The following MATN2 variants were observed in gnomAD, a reference collection of about 807,000 sequenced individuals.
The protein encoded by MATN2 is matrilin 2.
In MATN2, 69 loss-of-function variants were observed where a neutral mutation model predicts 103.2. The ratio of observed to expected loss-of-function variants is 0.67; its 90% CI spans 0.55 to 0.82. MATN2 has a LOEUF of 0.82. MATN2 is among the 40% of genes least tolerant of loss of function. MATN2 has a pLI of 0.00. For synonymous variants in MATN2, 429 were observed against 450.2 expected (o/e 0.95, Z 0.60); for missense variants, 1,023 against 1,211.5 (o/e 0.84, Z 2.31).
intron 7 of MATN2, among the ~76,000 whole-genome samples, chr8:97,999,789 G>A (rs1812717603): frequency 6.6e-6 from 1 of 151,512 alleles, no homozygotes; most frequent in African/African-American, 2.4e-5. Context: ...TCTGTCTGCA[G>A]CCATTCTGCT....
chr8:97,900,877 G>A (rs925233529), intron 2 of MATN2, among the ~76,000 whole-genome samples: 1 of 152,168 alleles, frequency 6.6e-6, no homozygotes, highest in East Asian at 1.9e-4. Context: ...GGAGCTTGCA[G>A]TGAGCCGAGA....
rs1293964936 is a variant in MATN2, at chr8:97,960,715, C to T, written c.836-693C>T. On this transcript the variant is annotated intron_variant, in intron 4 of 18. Coordinates refer to ENST00000254898, the MANE Select transcript of MATN2 (RefSeq NM_002380.5). ...AAAGAGGGTTTTCAAAGAGCTTTGT[C>T]TCATTCCTTCTTATACCAGCAACAG... Among the ~76,000 whole-genome samples the T allele has an allele frequency of 2.0e-5, 3 of 152,258 alleles. No individual in the cohort carries two copies. The East Asian group carries it at 5.8e-4, about 29-fold the overall frequency.
At chr8:98,009,127 G>C (rs554565906) in intron 10 of MATN2, among the ~76,000 whole-genome samples, 1 of 152,312 alleles carries the variant, frequency 6.6e-6, no homozygotes, top group East Asian at 1.9e-4. Context: ...ATCTAGATGA[G>C]AACTTGTGAG....
intron 5 of MATN2, among the ~76,000 whole-genome samples, chr8:97,961,896 G>C (rs1218682611): frequency 6.6e-6 from 1 of 152,160 alleles, no homozygotes; most frequent in Non-Finnish European, 1.5e-5. Flanking sequence ...ATTTACTTGG[G>C]TGGGTTGCTG....
intron 2 of MATN2, among the ~76,000 whole-genome samples, chr8:97,909,370 A>T (rs1241289701): frequency 6.6e-6 from 1 of 152,198 alleles, no homozygotes; most frequent in East Asian, 1.9e-4. Flanking sequence ...AGTATTTGTC[A>T]TTCTGTGCCT....
chr8:97,903,384 G>A (rs1459018895), intron 2 of MATN2, among the ~76,000 whole-genome samples: 1 of 152,212 alleles, frequency 6.6e-6, no homozygotes, highest in Non-Finnish European at 1.5e-5. Flanking sequence ...GTTCCACATG[G>A]AAGGGCTCTT....
chr8:98,025,149 T>C (rs1364477135), intron 13 of MATN2: 1 of 152,236 alleles, frequency 6.6e-6, no homozygotes, highest in African/African-American at 2.4e-5. Flanking sequence ...ACTATGAATG[T>C]AAATGAAGCT....
chr8:97,983,525 G>A (rs1413548151), intron 6 of MATN2, among the ~76,000 whole-genome samples: 1 of 152,206 alleles, frequency 6.6e-6, no homozygotes, highest in Non-Finnish European at 1.5e-5. Flanking sequence ...GAGGACTTCA[G>A]TCTGCTGGAC....
intron 7 of MATN2, among the ~76,000 whole-genome samples, chr8:97,997,103 C>G (rs1812611131): frequency 1.3e-5 from 2 of 152,212 alleles, no homozygotes; most frequent in Non-Finnish European, 2.9e-5. Flanking sequence ...TAGTGCAAAG[C>G]ACAGAAACTG....
chr8:97,876,505 G>A (rs1586365796), intron 1 of MATN2, among the ~76,000 whole-genome samples: 1 of 151,890 alleles, frequency 6.6e-6, no homozygotes, highest in East Asian at 1.9e-4. Flanking sequence ...TGTATTTTTT[G>A]TAGAGACAGG....
At chr8:97,967,709 C>T (rs115014487) in intron 5 of MATN2, among the ~76,000 whole-genome samples, 2,758 of 152,354 alleles carry the variant, frequency 0.018, 77 homozygotes, top group African/African-American at 0.063. Flanking sequence ...GGTATAGCCC[C>T]CAAGGCTGCC....
chr8:97,881,309 G>A (rs1818245866), intron 1 of MATN2, among the ~76,000 whole-genome samples: 1 of 152,194 alleles, frequency 6.6e-6, no homozygotes, highest in Admixed American at 6.5e-5. Flanking sequence ...TTACCTAGGT[G>A]AGGTCATGCA....
At chr8:98,022,927 A>G (rs910970476) in intron 13 of MATN2, among the ~76,000 whole-genome samples, 6 of 152,158 alleles carry the variant, frequency 3.9e-5, no homozygotes, top group African/African-American at 1.4e-4. Flanking sequence ...GTCTCTACTA[A>G]AAATATAAAA....
intron 12 of MATN2, among the ~76,000 whole-genome samples, chr8:98,018,565 G>A (rs1749979985): frequency 6.6e-6 from 1 of 152,114 alleles, no homozygotes. Flanking sequence ...CCCGAGACTG[G>A]GCAATTTACA....
intron 6 of MATN2, among the ~76,000 whole-genome samples, chr8:97,980,741 T>C (rs1811993357): frequency 6.6e-6 from 1 of 151,830 alleles, no homozygotes; most frequent in African/African-American, 2.4e-5. Flanking sequence ...ATTTTTTTGG[T>C]ATTTTTTGAT....
intron 1 of MATN2, among the ~76,000 whole-genome samples, chr8:97,869,809 C>A (rs1268229666): frequency 6.6e-6 from 1 of 152,132 alleles, no homozygotes; most frequent in Non-Finnish European, 1.5e-5. Context: ...AAGGGGAAGG[C>A]ATTTTGTGGT....
At chr8:98,000,016 G>A (rs1812727226) in intron 7 of MATN2, among the ~76,000 whole-genome samples, 1 of 151,980 alleles carries the variant, frequency 6.6e-6, no homozygotes, top group East Asian at 2.0e-4. Flanking sequence ...AAGTAGCTGG[G>A]ACTACAGATA....
chr8:98,030,698 T>C (rs1208363718), intron 15 of MATN2, 84 bp downstream of exon 15: 8 of 1,346,096 alleles, frequency 5.9e-6, no homozygotes, highest in Non-Finnish European at 8.2e-6. Context: ...AGTCTCACTC[T>C]GTCATCCAGG....
chr8:97,971,392 A>C (rs897739743), intron 5 of MATN2, among the ~76,000 whole-genome samples: 1 of 152,112 alleles, frequency 6.6e-6, no homozygotes, highest in African/African-American at 2.4e-5. Flanking sequence ...ATAGATTTCC[A>C]CACATTTGAG....
Sources: allele counts gnomAD v4.1 joint callset (sites outside exome capture counted in the v4.1 genomes callset), GRCh38; gene constraint gnomAD v4.1.1; transcripts MANE v1.5; gene names NCBI Gene and HGNC (gene_info 2026-07-23, HGNC 2026-07-21).